FHIT: variants seen among roughly 807,000 people sequenced by gnomAD.
FHIT encodes fragile histidine triad diadenosine triphosphatase.
Under a neutral mutation model 17.9 loss-of-function variants are expected in FHIT, and 19 were observed. The ratio of observed to expected loss-of-function variants is 1.06; its 90% CI spans 0.74 to 1.56. FHIT has a LOEUF of 1.56. Among genes scored for constraint, FHIT ranks in the 40% most tolerant of loss-of-function variants. The pLI, the probability that FHIT is intolerant of heterozygous loss-of-function variation, is 0.00. For missense variants in FHIT, 248 were observed against 189.2 expected, an observed-to-expected ratio of 1.31 and a Z score of -1.82; for synonymous variants, 81 against 69.7, an observed-to-expected ratio of 1.16 and a Z score of -0.81.
intron 3 of FHIT, among the ~76,000 whole-genome samples, chr3:60,825,400 G>A (rs1166183788): frequency 7.2e-5 from 11 of 152,174 alleles, no homozygotes; most frequent in Non-Finnish European, 1.5e-4. Context: ...TTTCATAAAT[G>A]TCATGGGCAG....
At chr3:60,162,925 A>C (rs1195474289) in intron 5 of FHIT, among the ~76,000 whole-genome samples, 1 of 152,204 alleles carries the variant, frequency 6.6e-6, no homozygotes, top group Non-Finnish European at 1.5e-5. Context: ...AATTGGTCTC[A>C]GGCTTACAAC....
At chr3:60,095,784 G>C (rs1703923381) in intron 5 of FHIT, among the ~76,000 whole-genome samples, 1 of 152,222 alleles carries the variant, frequency 6.6e-6, no homozygotes, top group Non-Finnish European at 1.5e-5. Flanking sequence ...GACCATTCTA[G>C]TTGGCCTATC....
chr3:60,917,912 C>T (rs1707088476), intron 3 of FHIT, among the ~76,000 whole-genome samples: 1 of 152,154 alleles, frequency 6.6e-6, no homozygotes, highest in African/African-American at 2.4e-5. Flanking sequence ...GACAGAAAAA[C>T]ATACTATGAC....
intron 1 of FHIT, among the ~76,000 whole-genome samples, chr3:61,202,960 C>G (rs576805403): frequency 3.3e-5 from 5 of 151,928 alleles, no homozygotes; most frequent in Non-Finnish European, 7.4e-5. Context: ...GCAGGCAGAT[C>G]ACGAGGTCAG....
chr3:60,987,504 G>A (rs901768335), intron 3 of FHIT, among the ~76,000 whole-genome samples: 3 of 152,188 alleles, frequency 2.0e-5, no homozygotes, highest in Non-Finnish European at 2.9e-5. Flanking sequence ...GATACTTTTA[G>A]TTAATTTAGT....
At position 60,205,972 on chromosome 3, in the gene FHIT, A is replaced by T. The variant is rs573037022; in HGVS notation, c.104-191820T>A. Among the ~76,000 whole-genome samples the T allele has an allele frequency of 1.4e-3, 216 of 151,072 alleles. 1 individual carries two copies. The highest frequency in any genetic ancestry group is 4.8e-3 in the African/African-American group (198 of 41,326). ...AAATACAAAAATAAAAAAAAATAAA[A>T]AAATAAAAAAATTAGCCGGGCGTGG... On this transcript the variant is annotated intron_variant, in intron 5 of 9. Transcript: ENST00000492590.
At chr3:59,827,852 T>A (rs956498584) in intron 8 of FHIT, among the ~76,000 whole-genome samples, 2 of 152,240 alleles carry the variant, frequency 1.3e-5, no homozygotes, top group Admixed American at 1.3e-4. Flanking sequence ...AATTAATGCA[T>A]GTTGGATTGC....
At chr3:60,583,459 A>G (rs1347023053) in intron 4 of FHIT, among the ~76,000 whole-genome samples, 1 of 152,034 alleles carries the variant, frequency 6.6e-6, no homozygotes, top group African/African-American at 2.4e-5. Flanking sequence ...GTGTAGCATG[A>G]AAGCAGCCAG....
At chr3:61,221,340 T>C (rs2039832402) in intron 1 of FHIT, among the ~76,000 whole-genome samples, 1 of 152,200 alleles carries the variant, frequency 6.6e-6, no homozygotes, top group South Asian at 2.1e-4. Flanking sequence ...TCCCAAACTC[T>C]AATAGCCTGA....
At chr3:60,241,691 C>A (rs1705137240) in intron 5 of FHIT, among the ~76,000 whole-genome samples, 1 of 152,060 alleles carries the variant, frequency 6.6e-6, no homozygotes, top group Non-Finnish European at 1.5e-5. Context: ...TCTGCGGACC[C>A]ATTCCCAGAT....
intron 4 of FHIT, among the ~76,000 whole-genome samples, chr3:60,608,631 C>T (rs1326791860): frequency 1.3e-5 from 2 of 151,936 alleles, no homozygotes; most frequent in Non-Finnish European, 2.9e-5. Flanking sequence ...GGAACTGGGC[C>T]CAATATCATT....
chr3:60,902,030 A>C (rs1439056178), intron 3 of FHIT, among the ~76,000 whole-genome samples: 3 of 152,150 alleles, frequency 2.0e-5, no homozygotes, highest in African/African-American at 7.2e-5. Flanking sequence ...GTATAATTTA[A>C]AAATAGTAAA....
intron 4 of FHIT, among the ~76,000 whole-genome samples, chr3:60,652,177 A>G (rs1273316965): frequency 1.3e-5 from 2 of 152,170 alleles, no homozygotes; most frequent in African/African-American, 2.4e-5. Context: ...GGTTAATTAC[A>G]GGCCAGGCTG....
rs1204068959 is a variant in FHIT at position 60,976,883 on chromosome 3, T to G, written c.-111+65164A>C. ...AAATTCCAGTGCTCTGAATACTTGT[T>G]TTTTTTTTTTTATTTTTAAAAAGGG... On this transcript the variant is annotated intron_variant, in intron 3 of 9. Transcript: ENST00000492590. Among the ~76,000 whole-genome samples the G allele has an allele frequency of 2.5e-4, 20 of 79,664 alleles. 1 individual carries two copies. In the South Asian group the frequency reaches 0.01, roughly 41 times the overall value. 52.3% of individuals were successfully genotyped at this position (79,664 alleles called of 152,430 possible).
intron 5 of FHIT, among the ~76,000 whole-genome samples, chr3:60,521,189 G>A (rs1467479512): frequency 3.3e-5 from 5 of 151,552 alleles, no homozygotes; most frequent in Non-Finnish European, 7.4e-5. Context: ...TCCATTCCAA[G>A]ACCCATGCTC....
intron 4 of FHIT, among the ~76,000 whole-genome samples, chr3:60,651,379 G>C (rs546653332): frequency 3.6e-4 from 54 of 151,968 alleles, no homozygotes; most frequent in Non-Finnish European, 6.0e-4. Flanking sequence ...TAATTTTACA[G>C]GTGGCAAAAT....
intron 4 of FHIT, chr3:60,617,976 A>C (rs2039002890): frequency 3.6e-6 from 1 of 274,646 alleles, no homozygotes; most frequent in African/African-American, 2.3e-5. Context: ...ATAAAGTCAA[A>C]TCAAAGAATT....
chr3:60,926,352 C>T (rs1707611669), intron 3 of FHIT, among the ~76,000 whole-genome samples: 1 of 152,182 alleles, frequency 6.6e-6, no homozygotes, highest in Non-Finnish European at 1.5e-5. Context: ...TTATAACAAA[C>T]TATCTCTCAG....
At chr3:60,118,509 T>C (rs1705084444) in intron 5 of FHIT, among the ~76,000 whole-genome samples, 1 of 152,054 alleles carries the variant, frequency 6.6e-6, no homozygotes, top group Non-Finnish European at 1.5e-5. Flanking sequence ...AAGGGGTGAC[T>C]GACAGTAGGG....
Sources: allele counts gnomAD v4.1 joint callset (sites outside exome capture counted in the v4.1 genomes callset), GRCh38; gene constraint gnomAD v4.1.1; transcripts MANE v1.5; gene names NCBI Gene and HGNC (gene_info 2026-07-23, HGNC 2026-07-21).